The following ZNF503 variants were observed in gnomAD, a reference collection of about 807,000 sequenced individuals.
ZNF503 encodes NocA-like zinc finger 2.
A neutral mutation model predicts 34.4 loss-of-function variants in ZNF503; 15 were observed. The observed-to-expected ratio is 0.44, with a 90% CI of 0.29 to 0.67. The LOEUF is 0.67. Ranked by LOEUF, ZNF503 falls within the 30% of genes least tolerant of loss-of-function variation. The pLI, the probability that ZNF503 is intolerant of heterozygous loss-of-function variation, is 0.13. For missense variants in ZNF503, 1,007 were observed against 926.8 expected (o/e 1.09, Z -1.12); for synonymous variants, 580 against 456.8 (o/e 1.27, Z -3.44).
At chr10:75,348,112 G>A in the ZNF503 span, among the ~76,000 whole-genome samples, 1 of 151,922 alleles carries the variant, frequency 6.6e-6, no homozygotes, top group Non-Finnish European at 1.5e-5. Flanking sequence ...ATCCAGGCTG[G>A]AGTGCAGTGG....
chr10:75,298,552 A>G, the ZNF503 span, among the ~76,000 whole-genome samples: 1 of 152,202 alleles, frequency 6.6e-6, no homozygotes, highest in African/African-American at 2.4e-5. Context: ...TGGCCAAATA[A>G]TATTCCATTG....
At chr10:75,297,272 C>T in the ZNF503 span, among the ~76,000 whole-genome samples, 1 of 152,166 alleles carries the variant, frequency 6.6e-6, no homozygotes, top group Non-Finnish European at 1.5e-5. Context: ...CCCCCACCCC[C>T]GACTCTAGCT....
At chr10:75,315,422 G>T in the ZNF503 span, among the ~76,000 whole-genome samples, 7 of 152,316 alleles carry the variant, frequency 4.6e-5, no homozygotes, top group East Asian at 1.3e-3. Flanking sequence ...AATATAAAAA[G>T]ATGTAAATTG....
chr10:75,384,646 G>A, the ZNF503 span, among the ~76,000 whole-genome samples: 1 of 152,104 alleles, frequency 6.6e-6, no homozygotes, highest in Non-Finnish European at 1.5e-5. Context: ...CTGTAGCCCT[G>A]CGGCCCAGCA....
chr10:75,318,310 C>A, the ZNF503 span, among the ~76,000 whole-genome samples: 2 of 152,082 alleles, frequency 1.3e-5, no homozygotes, highest in Admixed American at 1.3e-4. Context: ...TAACTGCCAA[C>A]TCAGAATGCT....
At chr10:75,378,509 C>T in the ZNF503 span, among the ~76,000 whole-genome samples, 6 of 152,092 alleles carry the variant, frequency 3.9e-5, no homozygotes, top group African/African-American at 1.4e-4. Flanking sequence ...ATCCATGACC[C>T]ACTCTCTCCT....
At chr10:75,323,506 TGA>T in the ZNF503 span, among the ~76,000 whole-genome samples, 2 of 152,332 alleles carry the variant, frequency 1.3e-5, no homozygotes, top group East Asian at 1.9e-4. Flanking sequence ...CAGCAATATT[TGA>T]GGTTTCCAAT....
At chr10:75,309,571 G>A in the ZNF503 span, among the ~76,000 whole-genome samples, 1 of 152,088 alleles carries the variant, frequency 6.6e-6, no homozygotes, top group African/African-American at 2.4e-5. Context: ...GCAATAAAGT[G>A]TTTTTAAGTT....
chr10:75,312,831 A>G, the ZNF503 span, among the ~76,000 whole-genome samples: 1 of 152,232 alleles, frequency 6.6e-6, no homozygotes, highest in African/African-American at 2.4e-5. Flanking sequence ...TCCCAACTCA[A>G]ATCTCACCTT....
the ZNF503 span, among the ~76,000 whole-genome samples, chr10:75,357,134 A>G: frequency 2.0e-5 from 3 of 151,836 alleles, no homozygotes; most frequent in Non-Finnish European, 4.4e-5. Flanking sequence ...TTTTAAGCAC[A>G]GGAGCATGGT....
the ZNF503 span, among the ~76,000 whole-genome samples, chr10:75,375,576 G>A: frequency 2.0e-5 from 3 of 152,100 alleles, no homozygotes; most frequent in Non-Finnish European, 2.9e-5. Flanking sequence ...GAGTGCAGTG[G>A]CACAGTCTCA....
chr10:75,384,090 G>C, the ZNF503 span, among the ~76,000 whole-genome samples: 2 of 152,210 alleles, frequency 1.3e-5, no homozygotes, highest in African/African-American at 4.8e-5. Flanking sequence ...TGGAAGGCCT[G>C]TGGGGCTTGC....
chr10:75,334,224 G>A, the ZNF503 span, among the ~76,000 whole-genome samples: 24 of 152,118 alleles, frequency 1.6e-4, no homozygotes, highest in East Asian at 3.7e-3. Context: ...GGGCCCGTCC[G>A]CTCCTCCAGC....
the ZNF503 span, among the ~76,000 whole-genome samples, chr10:75,325,767 A>AT: frequency 6.9e-6 from 1 of 144,470 alleles, no homozygotes; most frequent in Admixed American, 6.8e-5. Flanking sequence ...CTTTCCATTT[A>AT]TTTAGTTCTT....
the ZNF503 span, among the ~76,000 whole-genome samples, chr10:75,298,721 G>A: frequency 6.6e-6 from 1 of 151,952 alleles, no homozygotes; most frequent in African/African-American, 2.4e-5. Flanking sequence ...ATGTAGGAGT[G>A]GGATTGCTGG....
the ZNF503 span, among the ~76,000 whole-genome samples, chr10:75,385,840 A>G: frequency 6.6e-6 from 1 of 151,908 alleles, no homozygotes; most frequent in Admixed American, 6.6e-5. Flanking sequence ...TTCAGCCTCC[A>G]CCCTTACTCT....
the ZNF503 span, among the ~76,000 whole-genome samples, chr10:75,318,171 A>G: frequency 6.6e-6 from 1 of 152,194 alleles, no homozygotes; most frequent in Non-Finnish European, 1.5e-5. Flanking sequence ...ATATCAAAAC[A>G]TCATATTGTA....
downstream of ZNF503, among the ~76,000 whole-genome samples, chr10:75,394,351 C>G (rs935031923): frequency 6.6e-6 from 1 of 152,226 alleles, no homozygotes; most frequent in African/African-American, 2.4e-5. Flanking sequence ...TAGCCCGTGA[C>G]AGATGTGAGC....
chr10:75,342,374 A>G, the ZNF503 span, among the ~76,000 whole-genome samples: 1 of 152,234 alleles, frequency 6.6e-6, no homozygotes, highest in South Asian at 2.1e-4. Context: ...GAACGCTTTC[A>G]GGAACTACCA....
Sources: allele counts gnomAD v4.1 joint callset (sites outside exome capture counted in the v4.1 genomes callset), GRCh38; gene constraint gnomAD v4.1.1; transcripts MANE v1.5; gene names NCBI Gene and HGNC (gene_info 2026-07-23, HGNC 2026-07-21).